Variants in IL27 observed in about 807,000 individuals in gnomAD.
IL27 encodes interleukin-27 subunit alpha.
In IL27, 11 loss-of-function variants were observed where a neutral mutation model predicts 27.0. The observed-to-expected ratio is 0.41, with a 90% CI of 0.26 to 0.67. The LOEUF (loss-of-function observed/expected upper bound fraction) is 0.67, where lower values mean the gene tolerates loss of function less well. IL27 is among the 30% of genes least tolerant of loss of function. The probability of loss-of-function intolerance (pLI) is 0.34; values close to 1 mark genes in which losing one functional copy is unlikely to be tolerated. For missense variants in IL27, 299 were observed against 310.4 expected (o/e 0.96, Z 0.28); for synonymous variants, 134 against 140.6 (o/e 0.95, Z 0.33).
intron 3 of IL27, among the ~76,000 whole-genome samples, chr16:28,502,381 C>T (rs1410442625): frequency 6.6e-6 from 1 of 152,004 alleles, no homozygotes; most frequent in Non-Finnish European, 1.5e-5. Flanking sequence ...CTAACCCACC[C>T]CCTCTCAGTC....
In IL27 at chr16:28,499,994, C is replaced by G. The variant is rs540224641; in HGVS notation, c.463-74G>C. The G allele has an allele frequency of 3.0e-4, 434 of 1,454,230 alleles. 8 individuals carry two copies. The South Asian group carries it at 6.0e-3, about 20-fold the overall frequency. The allele number at this position is 1,454,230 out of a possible 1,614,324, so 90.1% of individuals were successfully genotyped here. The stretch of plus-strand genomic sequence containing the variant: ...GAGGAATCCTCATTCCCTATTCATG[C>G]CCAGCGGTTCCCAATGACATCAGTG... On this transcript the variant is annotated intron_variant, in intron 4 of 4. Coordinates refer to ENST00000356897, the MANE Select transcript of IL27 (RefSeq NM_145659.3).
intron 3 of IL27, among the ~76,000 whole-genome samples, chr16:28,502,881 G>C (rs1415425688): frequency 1.3e-5 from 2 of 152,168 alleles, no homozygotes; most frequent in Non-Finnish European, 2.9e-5. Context: ...GGAGTGCAGT[G>C]GCGCGATCTC....
chr16:28,499,722 A>G lies in IL27; in HGVS notation c.661T>C (p.Leu221=). 2 of 1,613,226 alleles carry G rather than the reference A, an allele frequency of 1.2e-6. No homozygotes were observed. Among genetic ancestry groups the G allele is most frequent in the South Asian group, 1.1e-5 (1 of 90,920 alleles). Residue 221 remains leucine (L), a synonymous_variant, in exon 5 of 5, where the codon TTG becomes CTG. Coordinates refer to ENST00000356897, the MANE Select transcript of IL27 (RefSeq NM_145659.3). ...ELVLSRAVRE[L]LLLSKAGHSV... Reference sequence around the variant, plus strand: ...TGCCCAGCCTTGGACAGCAGCAGCAACTCCCGCACGGCCCGAGATAAGACG... The same window carrying G: ...TGCCCAGCCTTGGACAGCAGCAGCAGCTCCCGCACGGCCCGAGATAAGACG...
chr16:28,501,421 G>GACCCACACACACTCACAGTCAC (rs1338218526), intron 4 of IL27, among the ~76,000 whole-genome samples: 1 of 147,184 alleles, frequency 6.8e-6, no homozygotes, highest in Non-Finnish European at 1.5e-5. Context: ...CACTCATACA[G>GACCCACACACACTCACAGTCAC]ACCCACACAC....
intron 1 of IL27, 115 bp downstream of exon 1, chr16:28,506,666 C>G: frequency 9.4e-7 from 1 of 1,064,822 alleles, no homozygotes. Context: ...CAGCCGAATC[C>G]TCAGTCTTGG....
At chr16:28,501,561 CCA>C (rs1555470801) in intron 4 of IL27, among the ~76,000 whole-genome samples, 3 of 105,844 alleles carry the variant, frequency 2.8e-5, no homozygotes, top group East Asian at 2.9e-4. Flanking sequence ...TACAGCCCCC[CCA>C]CACACACACT....
intron 4 of IL27, among the ~76,000 whole-genome samples, chr16:28,500,420 G>A (rs1222819019): frequency 1.3e-5 from 2 of 152,014 alleles, no homozygotes; most frequent in African/African-American, 2.4e-5. Context: ...GACTACAGAC[G>A]CGCACCACCA....
intron 4 of IL27, 54 bp downstream of exon 4, chr16:28,501,922 A>T: frequency 6.4e-7 from 1 of 1,565,154 alleles, no homozygotes; most frequent in Non-Finnish European, 8.7e-7. Flanking sequence ...TGAATGAGCC[A>T]GCGAGTCTTC....
rs757955766 is a variant in IL27, at chr16:28,503,799, G to A, written c.205-6C>T. 2 of 1,613,074 alleles carry A rather than the reference G, an allele frequency of 1.2e-6. No homozygotes were observed. Among genetic ancestry groups the A allele is most frequent in the Non-Finnish European group, 1.7e-6 (2 of 1,179,348 alleles). ...CCTGGCAGGTGAGATTCCGCCTGGG[G>A]GGCAAGGTCTGTTAGTGGGGGCCAG... On this transcript the variant is annotated splice_region_variant and splice_polypyrimidine_tract_variant and intron_variant, in intron 2 of 4. Transcript: ENST00000356897.
At chr16:28,501,744 C>T (rs1042249492) in intron 4 of IL27, among the ~76,000 whole-genome samples, 3 of 136,536 alleles carry the variant, frequency 2.2e-5, no homozygotes, top group African/African-American at 7.8e-5. Flanking sequence ...CCCACACTCA[C>T]ACACTCTCAC....
Position 28,503,875 on chromosome 16 carries a change from T to TA in IL27, c.204+2dup. 6.2e-7 allele frequency: 1 copy of TA among 1,614,062 alleles called. No homozygotes were observed. The highest frequency in any genetic ancestry group is 8.5e-7 in the Non-Finnish European group (1 of 1,179,990). ...CAGCGCCAGCTGCATTAGGGGGACT[T>TA]ACAAAGCGGTGGGCCTGGCCCCGAA... On this transcript the variant is annotated splice_region_variant and intron_variant, in intron 2 of 4. Transcript: ENST00000356897.
At position 28,503,766 on chromosome 16, in the gene IL27, G is replaced by A. The variant is rs2046446640; in HGVS notation, c.232C>T (p.Leu78=). ...TGCTCTCCCAGGGGCAGGAGGTACA[G>A]GTTCACTCCTGGCAGGTGAGATTCC... ...FAESHLPGVN[L]YLLPLGEQLP... Residue 78 remains leucine, a synonymous_variant, in exon 3 of 5, where the codon CTG becomes TTG. Transcript: ENST00000356897. The A allele has an allele frequency of 6.2e-7, 1 of 1,613,700 alleles. No homozygotes were observed. Among genetic ancestry groups the A allele is most frequent in the African/African-American group, 1.3e-5 (1 of 74,948 alleles).
chr16:28,503,204 C>G (rs1056511212), intron 3 of IL27, among the ~76,000 whole-genome samples: 2 of 152,074 alleles, frequency 1.3e-5, no homozygotes, highest in Non-Finnish European at 2.9e-5. Context: ...GTGATCCGTG[C>G]TCCTCAGCCT....
chr16:28,501,157 C>T (rs2046426641), intron 4 of IL27, among the ~76,000 whole-genome samples: 1 of 151,936 alleles, frequency 6.6e-6, no homozygotes, highest in Admixed American at 6.6e-5. Flanking sequence ...CCGCTGCACT[C>T]CAGCCTGGGC....
At chr16:28,501,189 A>G (rs1251228482) in intron 4 of IL27, among the ~76,000 whole-genome samples, 1 of 151,484 alleles carries the variant, frequency 6.6e-6, no homozygotes, top group Non-Finnish European at 1.5e-5. Flanking sequence ...ACTTAGTCTC[A>G]GAAAAAAAAA....
In IL27 at chr16:28,500,041, C is replaced by T. The variant is rs542190472; in HGVS notation, c.463-121G>A. 6.1e-5 allele frequency: 78 copies of T among 1,288,110 alleles called. 1 individual carries two copies. The Admixed American group carries it at 1.1e-3, about 19-fold the overall frequency. 79.8% of individuals were successfully genotyped at this position (1,288,110 alleles called of 1,614,324 possible). A position where few individuals can be genotyped will look rare whatever the true frequency, so the allele number is the denominator to read the frequency against. ...AGTGACCACAAGGTCATGATTTCCC[C>T]GGACATTCCCTGCTTGATCTTCCAT... On this transcript the variant is annotated intron_variant, in intron 4 of 4. Coordinates refer to ENST00000356897, the MANE Select transcript of IL27 (RefSeq NM_145659.3).
At chr16:28,505,985 G>A (rs949665626) in intron 1 of IL27, among the ~76,000 whole-genome samples, 1 of 145,318 alleles carries the variant, frequency 6.9e-6, no homozygotes, top group African/African-American at 2.4e-5. Flanking sequence ...CAGACTCCCT[G>A]GTTTTGGGGC....
chr16:28,501,099 G>A (rs2046426303), intron 4 of IL27, among the ~76,000 whole-genome samples: 1 of 152,024 alleles, frequency 6.6e-6, no homozygotes, highest in South Asian at 2.1e-4. Context: ...TGAGGCAGGA[G>A]AATTGCTTGA....
At chr16:28,501,875 ACT>A (rs1047918851) in intron 4 of IL27, 99 bp downstream of exon 4, 11 of 1,365,794 alleles carry the variant, frequency 8.1e-6, no homozygotes, top group East Asian at 2.3e-5. Context: ...TCACACTCAC[ACT>A]CTCACACTCA....
Sources: gnomAD v4.1 joint callset for allele counts (sites outside exome capture counted in the v4.1 genomes callset) on GRCh38, gnomAD v4.1.1 for gene constraint, MANE v1.5 for transcripts, NCBI Gene and HGNC (gene_info 2026-07-23, HGNC 2026-07-21) for gene names.